KMO: variants seen among roughly 807,000 people sequenced by gnomAD.
The protein encoded by KMO is kynurenine 3-hydroxylase.
In KMO, 24 loss-of-function variants were observed where a neutral mutation model predicts 57.8. That is an observed-to-expected ratio of 0.42 (90% CI 0.30 to 0.58). KMO has a LOEUF of 0.58. Among genes scored for constraint, KMO ranks in the 20% least tolerant of loss-of-function variants. KMO has a pLI of 0.22. For synonymous variants in KMO, 210 were observed against 193.6 expected, an observed-to-expected ratio of 1.08 and a Z score of -0.70; for missense variants, 483 against 588.2, an observed-to-expected ratio of 0.82 and a Z score of 1.85.
chr1:241,568,784 C>T, intron 10 of KMO, 137 bp downstream of exon 10: 2 of 819,598 alleles, frequency 2.4e-6, no homozygotes, highest in Non-Finnish European at 3.8e-6. Context: ...ATCATACCAG[C>T]TGTGTAGCTA....
chr1:241,586,520 T>C (rs1350716925), intron 10 of KMO, 159 bp from the exon 11 acceptor site: 5 of 640,532 alleles, frequency 7.8e-6, no homozygotes, highest in Non-Finnish European at 1.4e-5. Context: ...TTTTTAACCA[T>C]AATTCAATAC....
At chr1:241,577,284 T>G (rs1033921812) in intron 10 of KMO, among the ~76,000 whole-genome samples, 1 of 152,154 alleles carries the variant, frequency 6.6e-6, no homozygotes, top group Non-Finnish European at 1.5e-5. Context: ...CAGTGTGATC[T>G]TTTGGGGTTG....
intron 10 of KMO, among the ~76,000 whole-genome samples, chr1:241,584,220 A>G (rs1294805804): frequency 6.6e-6 from 1 of 152,172 alleles, no homozygotes; most frequent in East Asian, 1.9e-4. Flanking sequence ...ATGAGTGAGA[A>G]CATGAGGTGT....
chr1:241,584,264 G>A (rs1009947013), intron 10 of KMO, among the ~76,000 whole-genome samples: 6 of 152,090 alleles, frequency 3.9e-5, no homozygotes, highest in Non-Finnish European at 8.8e-5. Flanking sequence ...ATCATCACTG[G>A]TCATCAGAGA....
intron 2 of KMO, among the ~76,000 whole-genome samples, chr1:241,549,270 GAAGGAA>G (rs1558415004): frequency 8.3e-5 from 3 of 36,326 alleles, no homozygotes; most frequent in South Asian, 1.1e-3. Flanking sequence ...AGAAAGAAAG[GAAGGAA>G]GAAAGAAAGA....
intron 2 of KMO, among the ~76,000 whole-genome samples, chr1:241,549,262 A>G (rs1220797688): frequency 1.0e-3 from 133 of 131,742 alleles, no homozygotes; most frequent in African/African-American, 3.5e-3. Context: ...AGAAAGAAAG[A>G]AAGAAAGGAA....
chr1:241,547,213 G>C (rs981522218), intron 1 of KMO, among the ~76,000 whole-genome samples: 5 of 152,226 alleles, frequency 3.3e-5, no homozygotes, highest in Admixed American at 2.6e-4. Context: ...TCTTGAACAA[G>C]ACATTTGTAA....
intron 8 of KMO, among the ~76,000 whole-genome samples, chr1:241,565,289 G>A (rs947586338): frequency 6.6e-6 from 1 of 152,076 alleles, no homozygotes; most frequent in African/African-American, 2.4e-5. Flanking sequence ...GAGTTTATGT[G>A]TGGTGGTGCC....
intron 1 of KMO, among the ~76,000 whole-genome samples, chr1:241,538,703 C>A (rs1387016740): frequency 6.6e-6 from 1 of 152,142 alleles, no homozygotes. Flanking sequence ...TATCTAGCAC[C>A]TTCTAAAAAC....
At chr1:241,576,128 C>T (rs1662507550) in intron 10 of KMO, among the ~76,000 whole-genome samples, 1 of 151,682 alleles carries the variant, frequency 6.6e-6, no homozygotes, top group African/African-American at 2.4e-5. Context: ...TTTTACACCC[C>T]TCTACCTTGA....
intron 10 of KMO, among the ~76,000 whole-genome samples, chr1:241,581,188 C>CAAGAA (rs1662735606): frequency 6.6e-6 from 1 of 151,928 alleles, no homozygotes; most frequent in Non-Finnish European, 1.5e-5. Context: ...TATCTTTTTC[C>CAAGAA]ATCCTTTTAT....
intron 10 of KMO, among the ~76,000 whole-genome samples, chr1:241,577,300 G>A (rs558271811): frequency 6.6e-6 from 1 of 152,206 alleles, no homozygotes; most frequent in Non-Finnish European, 1.5e-5. Flanking sequence ...GGTTGTTATA[G>A]AACCCTGTTT....
At chr1:241,540,441 C>T (rs1660919330) in intron 1 of KMO, among the ~76,000 whole-genome samples, 1 of 151,952 alleles carries the variant, frequency 6.6e-6, no homozygotes, top group South Asian at 2.1e-4. Flanking sequence ...AAAAACTACA[C>T]TGAGGATATG....
chr1:241,565,730 A>C (rs1662051057), intron 8 of KMO, among the ~76,000 whole-genome samples: 1 of 152,144 alleles, frequency 6.6e-6, no homozygotes, highest in Non-Finnish European at 1.5e-5. Context: ...TTTCAAAAAA[A>C]AAGAGAGCAT....
Position 241,593,114 on chromosome 1 carries a change from T to C in KMO, c.*961T>C, listed in dbSNP as rs2147990640. The C allele has an allele frequency of 4.1e-5, 9 of 220,504 alleles. No homozygotes were observed. In the South Asian group the frequency reaches 4.9e-4, roughly 12 times the overall value. 13.7% of individuals were successfully genotyped at this position (220,504 alleles called of 1,614,324 possible). On this transcript the variant is annotated 3_prime_UTR_variant, in exon 15 of 15. Coordinates refer to ENST00000366559, the MANE Select transcript of KMO (RefSeq NM_003679.5). ...AAAGATAAGAAAAAGGCTATTAATA[T>C]CATACTAAGTGAAGGACAGGAAAGG...
At chr1:241,579,392 G>C (rs949940008) in intron 10 of KMO, among the ~76,000 whole-genome samples, 1 of 152,076 alleles carries the variant, frequency 6.6e-6, no homozygotes, top group Non-Finnish European at 1.5e-5. Context: ...CCAGGTCAGA[G>C]TTGTGCTGGG....
At chr1:241,585,723 C>T (rs1024903311) in intron 10 of KMO, among the ~76,000 whole-genome samples, 1 of 149,018 alleles carries the variant, frequency 6.7e-6, no homozygotes, top group Admixed American at 6.7e-5. Flanking sequence ...TGCTGCACTC[C>T]AACCTGAACA....
At chr1:241,558,359 G>A (rs1449790899) in intron 5 of KMO, among the ~76,000 whole-genome samples, 1 of 152,094 alleles carries the variant, frequency 6.6e-6, no homozygotes, top group African/African-American at 2.4e-5. Context: ...AACTTTGTTG[G>A]GCATATAAAG....
chr1:241,588,224 T>C (rs1663087898), intron 11 of KMO, among the ~76,000 whole-genome samples: 1 of 151,922 alleles, frequency 6.6e-6, no homozygotes, highest in Admixed American at 6.6e-5. Context: ...GTAAAGTAAG[T>C]TCATAGTATA....
Sources: gnomAD v4.1 joint callset for allele counts (sites outside exome capture counted in the v4.1 genomes callset) on GRCh38, gnomAD v4.1.1 for gene constraint, MANE v1.5 for transcripts, NCBI Gene and HGNC (gene_info 2026-07-23, HGNC 2026-07-21) for gene names.